MAT2B: variants seen among roughly 807,000 people sequenced by gnomAD.
The protein encoded by MAT2B is methionine adenosyltransferase 2 subunit beta.
Under a neutral mutation model 36.1 loss-of-function variants are expected in MAT2B, and 16 were observed. That is an observed-to-expected ratio of 0.44 (90% CI 0.30 to 0.67). The LOEUF is 0.67. MAT2B is among the 30% of genes least tolerant of loss of function. The pLI is 0.09. For synonymous variants in MAT2B, 148 were observed against 136.9 expected (o/e 1.08, Z -0.57); for missense variants, 332 against 398.2 (o/e 0.83, Z 1.42).
chr5:163,503,129 C>T, upstream of MAT2B: 3 of 432,326 alleles, frequency 6.9e-6, no homozygotes, highest in Non-Finnish European at 1.3e-5. Context: ...TAGACCCAGG[C>T]TTGACTGGCA....
intron 2 of MAT2B, 38 bp downstream of exon 2, chr5:163,512,234 A>G (rs757849549): frequency 3.5e-5 from 52 of 1,497,096 alleles, no homozygotes; most frequent in East Asian, 4.5e-5. Context: ...CATGAACAAT[A>G]TTAAGAGTTG....
Position 163,513,880 on chromosome 5 carries a change from T to A in MAT2B, c.412T>A (p.Tyr138Asn). 1 of 1,612,858 alleles carries A rather than the reference T, an allele frequency of 6.2e-7. No individual in the cohort carries two copies. The highest frequency in any genetic ancestry group is 8.5e-7 in the Non-Finnish European group (1 of 1,179,490). Residue 138 changes from tyrosine (Y) to asparagine (N), a missense_variant, in exon 4 of 7, where the codon TAT (tyrosine) becomes AAT (asparagine). Tyr to Asn is a moderately radical substitution (Grantham distance 143). Coordinates refer to ENST00000321757, the MANE Select transcript of MAT2B (RefSeq NM_013283.5). ...GAFLIYISSD[Y>N]VFDGTNPPYR... is the part of the protein sequence containing the mutation. ...ATTTCTCATCTACATTAGCTCAGAT[T>A]ATGTATTTGATGGAACAAATCCACC... is the stretch of plus-strand genomic sequence containing the variant.
chr5:163,514,313 T>TTC lies in MAT2B; in HGVS notation c.526+321_526+322dup, dbSNP rs568998944. Among the ~76,000 whole-genome samples the TTC allele has an allele frequency of 3.5e-3, 526 of 152,326 alleles. 1 individual carries two copies. Among genetic ancestry groups the TTC allele is most frequent in the African/African-American group, 0.012 (488 of 41,568 alleles). ...TAGAGTGAGATATTCTGTTTATGTA[T>TTC]TCTGTTATATGTATGTTACTGTGTT... On this transcript the variant is annotated intron_variant, in intron 4 of 6. Transcript: ENST00000321757.
At chr5:163,508,213 A>G (rs1759975108) in intron 1 of MAT2B, among the ~76,000 whole-genome samples, 1 of 152,154 alleles carries the variant, frequency 6.6e-6, no homozygotes. Context: ...TCTCTTTGGA[A>G]ATAATATCTC....
In MAT2B at chr5:163,510,307, CTGTG is replaced by C. The variant is rs765548815; in HGVS notation, c.64-1691_64-1688del. 2.1e-5 allele frequency among the ~76,000 whole-genome samples: 3 copies of C among 143,086 alleles called. 1 individual carries two copies. In the South Asian group the frequency reaches 6.7e-4, roughly 32 times the overall value. The allele number at this position is 143,086 out of a possible 152,430, so 93.9% of individuals were successfully genotyped here. On this transcript the variant is annotated intron_variant, in intron 1 of 6. Transcript: ENST00000321757. Reference sequence around the variant, plus strand: ...CCTAAATAGTGGTTCTTTTTCATTTCTGTGTGTAATAATTTATTTGTTTCACAGT... The same window carrying C: ...CCTAAATAGTGGTTCTTTTTCATTTCTGTAATAATTTATTTGTTTCACAGT...
Position 163,513,595 on chromosome 5 carries a change from A to G in MAT2B, c.299A>G (p.Asp100Gly), listed in dbSNP as rs1034231546. The change falls in exon 3 of 7, where the codon GAT (aspartate) becomes GGT (glycine). Residue 100 changes from aspartate (D) to glycine (G), a missense_variant. By Grantham distance (94) the Asp-to-Gly change is moderately conservative. Transcript: ENST00000321757. ...CATTGTGCAGCAGAGAGAAGACCAG[A>G]TGTTGTAGAAAATCAGCCAGATGCT... ...IVHCAAERRP[D>G]VVENQPDAAS... 83 of 1,613,594 alleles carry G rather than the reference A, an allele frequency of 5.1e-5. No individual in the cohort carries two copies. The highest frequency in any genetic ancestry group is 6.4e-5 in the Non-Finnish European group (75 of 1,179,662).
chr5:163,516,121 C>T lies in MAT2B; in HGVS notation c.527-397C>T, dbSNP rs948201949. 5.3e-5 allele frequency among the ~76,000 whole-genome samples: 8 copies of T among 152,124 alleles called. 1 individual carries two copies. Among genetic ancestry groups the T allele is most frequent in the Admixed American group, 4.6e-4 (7 of 15,268 alleles). On this transcript the variant is annotated intron_variant, in intron 4 of 6. Coordinates refer to ENST00000321757, the MANE Select transcript of MAT2B (RefSeq NM_013283.5). ...ACAGTGGTGCAGTCATAGCTCATTG[C>T]AACCTTGAACTTCAGGCTCAAGAGA... is the stretch of plus-strand genomic sequence containing the variant.
chr5:163,510,394 CTTT>C (rs1270371144), intron 1 of MAT2B, among the ~76,000 whole-genome samples: 2 of 121,746 alleles, frequency 1.6e-5, no homozygotes, highest in Non-Finnish European at 1.7e-5. Flanking sequence ...TTAGTTTTAG[CTTT>C]TTTTTTTTTT....
chr5:163,512,456 G>A (rs1760060971), intron 2 of MAT2B: 2 of 497,756 alleles, frequency 4.0e-6, no homozygotes, highest in East Asian at 3.8e-5. Context: ...TACTTTCTCT[G>A]CAAATGGTTT....
chr5:163,509,646 ATC>A (rs533642516), intron 1 of MAT2B, among the ~76,000 whole-genome samples: 38 of 152,262 alleles, frequency 2.5e-4, no homozygotes, highest in Non-Finnish European at 5.0e-4. Flanking sequence ...AAACCAAATT[ATC>A]TCTCTTTTAG....
At chr5:163,505,483 C>T (rs944824346), upstream of MAT2B, 55 of 1,225,452 alleles carry the variant, frequency 4.5e-5, no homozygotes, top group Non-Finnish European at 5.4e-5. Context: ...TGGGGGCAGA[C>T]CGCGCGTACC....
At chr5:163,503,222 C>T (rs974104258), upstream of MAT2B, 19 of 622,950 alleles carry the variant, frequency 3.0e-5, no homozygotes, top group African/African-American at 2.2e-4. Context: ...TGGAGAACTG[C>T]ACGAGATTCC....
intron 1 of MAT2B, among the ~76,000 whole-genome samples, chr5:163,511,000 C>G (rs1476220342): frequency 6.6e-6 from 1 of 152,122 alleles, no homozygotes; most frequent in African/African-American, 2.4e-5. Context: ...ACGTTTCTCT[C>G]TAGAGACTCA....
At chr5:163,503,189 T>C (rs538936744), upstream of MAT2B, 3 of 511,392 alleles carry the variant, frequency 5.9e-6, no homozygotes, top group Non-Finnish European at 1.1e-5. Context: ...CTACGGGGAA[T>C]CAGCTACCAG....
At chr5:163,505,443 G>T (rs1759910465), upstream of MAT2B, 3 of 1,012,256 alleles carry the variant, frequency 3.0e-6, no homozygotes, top group Non-Finnish European at 3.8e-6. Flanking sequence ...CCTTTCTTTT[G>T]TGTGTCGCTT....
intron 4 of MAT2B, among the ~76,000 whole-genome samples, chr5:163,515,641 A>G (rs1418145313): frequency 6.6e-6 from 1 of 152,052 alleles, no homozygotes; most frequent in Admixed American, 6.6e-5. Flanking sequence ...CCAGTCAAAG[A>G]CTATTCATTG....
chr5:163,507,154 A>C (rs576766153), intron 1 of MAT2B, among the ~76,000 whole-genome samples: 16 of 152,376 alleles, frequency 1.1e-4, no homozygotes, highest in African/African-American at 3.6e-4. Context: ...TAAAGTTTCC[A>C]AAAACGACAA....
chr5:163,506,357 G>A (rs909286047), intron 1 of MAT2B, among the ~76,000 whole-genome samples: 2 of 152,284 alleles, frequency 1.3e-5, no homozygotes, highest in Non-Finnish European at 2.9e-5. Context: ...ACAGGTTTGT[G>A]TGACTGTCTT....
At chr5:163,513,348 C>G (rs537634007) in intron 2 of MAT2B, 19 of 451,612 alleles carry the variant, frequency 4.2e-5, no homozygotes, top group African/African-American at 3.7e-4. Flanking sequence ...ATGAAATACT[C>G]TTTTCAGTGC....
Sources: allele counts gnomAD v4.1 joint callset (sites outside exome capture counted in the v4.1 genomes callset), GRCh38; gene constraint gnomAD v4.1.1; transcripts MANE v1.5; gene names NCBI Gene and HGNC (gene_info 2026-07-23, HGNC 2026-07-21).